The following LITAF variants were observed in gnomAD, a reference collection of about 807,000 sequenced individuals.
The protein encoded by LITAF is lipopolysaccharide induced TNF factor, also known as lipopolysaccharide-induced tumor necrosis factor-alpha factor.
Under a neutral mutation model 14.5 loss-of-function variants are expected in LITAF, and 9 were observed. The observed-to-expected ratio is 0.62, with a 90% CI of 0.37 to 1.08. The LOEUF is 1.08. Ranked by LOEUF, LITAF falls within the 50% of genes least tolerant of loss-of-function variation. The probability of loss-of-function intolerance (pLI) is 0.01; values close to 1 mark genes in which losing one functional copy is unlikely to be tolerated. For missense variants in LITAF, 206 were observed against 213.4 expected, an observed-to-expected ratio of 0.97 and a Z score of 0.22; for synonymous variants, 98 against 88.2, an observed-to-expected ratio of 1.11 and a Z score of -0.62.
rs186610097 is a variant in LITAF at position 11,556,293 on chromosome 16, T to C, written c.220+218A>G. Reference sequence around the variant, plus strand: ...CCAAAAGATTCGTATATGATGACCATGGGAAAGATCCTAAACCATACTTTA... The same window carrying C: ...CCAAAAGATTCGTATATGATGACCACGGGAAAGATCCTAAACCATACTTTA... On this transcript the variant is annotated intron_variant, in intron 2 of 3. Transcript: ENST00000622633. 157 of 571,640 alleles carry C rather than the reference T, an allele frequency of 2.7e-4. No homozygotes were observed. In the East Asian group the frequency reaches 3.0e-3, roughly 11 times the overall value. 35.4% of individuals were successfully genotyped at this position (571,640 alleles called of 1,614,324 possible). A position where few individuals can be genotyped will look rare whatever the true frequency, so the allele number is the denominator to read the frequency against.
Position 11,556,698 on chromosome 16 carries a change from A to C in LITAF, c.33T>G (p.Thr11=). 1.2e-6 allele frequency: 2 copies of C among 1,614,202 alleles called. No homozygotes were observed. The highest frequency in any genetic ancestry group is 2.7e-5 in the African/African-American group (2 of 75,054). ...GTGCGGATGGTGCTGAGGAAGGCCC[A>C]GTGGCCGCCTGGTAAGGTCCTGGAA... The part of the protein sequence containing the change: MSVPGPYQAA[T]GPSSAPSAPP... The change falls in exon 2 of 4, where the codon ACT becomes ACG. Residue 11 remains threonine (T), a synonymous_variant. Transcript: ENST00000622633.
rs113788675 is a variant in LITAF, at chr16:11,552,456, T to A, written c.377+1077A>T. 4.2e-3 allele frequency among the ~76,000 whole-genome samples: 642 copies of A among 152,352 alleles called. 6 individuals are homozygous for A. The highest frequency in any genetic ancestry group is 0.014 in the African/African-American group (596 of 41,582). On this transcript the variant is annotated intron_variant, in intron 3 of 3. Transcript: ENST00000622633. ...GGATAAGAAGTTTTGAAGCAATTCC[T>A]ATGAAGAATTTTAATGTACAGATTC...
chr16:11,614,721 C>G (rs1264596644), intron 3 of LITAF, among the ~76,000 whole-genome samples: 1 of 152,206 alleles, frequency 6.6e-6, no homozygotes, highest in African/African-American at 2.4e-5. Flanking sequence ...TCTTGGCCTT[C>G]CAGAGTGCTG....
chr16:11,626,324 T>C (rs1313033386), intron 3 of LITAF, among the ~76,000 whole-genome samples: 1 of 149,526 alleles, frequency 6.7e-6, no homozygotes, highest in Non-Finnish European at 1.5e-5. Context: ...GACTACAGGC[T>C]CATACCACCA....
chr16:11,635,619 G>A (rs867362386), intron 2 of LITAF, among the ~76,000 whole-genome samples: 25 of 152,192 alleles, frequency 1.6e-4, no homozygotes, highest in African/African-American at 4.8e-4. Context: ...ACCCTGGGCC[G>A]CAGTAGCCTC....
chr16:11,591,881 G>T (rs1310657829), upstream of LITAF, among the ~76,000 whole-genome samples: 1 of 152,152 alleles, frequency 6.6e-6, no homozygotes, highest in Non-Finnish European at 1.5e-5. Context: ...GAGCCACTAT[G>T]CCCAGCTGAG....
chr16:11,615,754 T>C (rs1467700619), intron 3 of LITAF, among the ~76,000 whole-genome samples: 2 of 152,202 alleles, frequency 1.3e-5, no homozygotes. Context: ...TGCTTGGTCT[T>C]TGTTCCCTGT....
chr16:11,610,675 G>A (rs1366814135), intron 3 of LITAF, among the ~76,000 whole-genome samples: 1 of 152,186 alleles, frequency 6.6e-6, no homozygotes, highest in East Asian at 1.9e-4. Context: ...TCATAATCTA[G>A]AAGTGGAAAC....
chr16:11,607,961 T>C (rs891316355), intron 3 of LITAF, among the ~76,000 whole-genome samples: 7 of 152,180 alleles, frequency 4.6e-5, no homozygotes, highest in African/African-American at 7.2e-5. Flanking sequence ...AGAACCCCTG[T>C]CCCAGCTCCC....
intron 3 of LITAF, among the ~76,000 whole-genome samples, chr16:11,631,727 A>G (rs1481403076): frequency 2.0e-5 from 3 of 151,948 alleles, no homozygotes; most frequent in East Asian, 1.9e-4. Flanking sequence ...CTGTGGCTTC[A>G]AGCTCCATGT....
At chr16:11,603,678 C>G (rs991211590) in intron 3 of LITAF, among the ~76,000 whole-genome samples, 1 of 152,188 alleles carries the variant, frequency 6.6e-6, no homozygotes, top group Admixed American at 6.5e-5. Flanking sequence ...GCCACCTCAG[C>G]AGGCATGCAA....
chr16:11,620,618 G>GC (rs2065044531), intron 3 of LITAF, among the ~76,000 whole-genome samples: 2 of 152,302 alleles, frequency 1.3e-5, no homozygotes, highest in South Asian at 4.1e-4. Flanking sequence ...ACAGACGTGA[G>GC]CCACTGTGGC....
At chr16:11,590,200 C>A (rs1284201199), upstream of LITAF, among the ~76,000 whole-genome samples, 1 of 114,506 alleles carries the variant, frequency 8.7e-6, no homozygotes, top group Non-Finnish European at 1.7e-5. Flanking sequence ...CAAACAAGAC[C>A]TATACACTGA....
intron 1 of LITAF, among the ~76,000 whole-genome samples, chr16:11,596,711 GA>G (rs1369747948): frequency 1.0e-5 from 1 of 96,002 alleles, no homozygotes; most frequent in Non-Finnish European, 2.1e-5. Context: ...GGAGAGGGAG[GA>G]GGGGGGAGCG....
At chr16:11,627,671 C>G (rs373351522) in intron 3 of LITAF, among the ~76,000 whole-genome samples, 169 of 152,222 alleles carry the variant, frequency 1.1e-3, no homozygotes, top group African/African-American at 3.9e-3. Context: ...TGGCAAAACC[C>G]CATCTCTACT....
At chr16:11,597,466 G>A (rs905920976) in intron 1 of LITAF, among the ~76,000 whole-genome samples, 1 of 152,072 alleles carries the variant, frequency 6.6e-6, no homozygotes, top group African/African-American at 2.4e-5. Context: ...ACCCTATAAG[G>A]GAAATATTAT....
chr16:11,583,806 C>G (rs1274844007), intron 1 of LITAF, among the ~76,000 whole-genome samples: 6 of 152,160 alleles, frequency 3.9e-5, no homozygotes, highest in Non-Finnish European at 8.8e-5. Flanking sequence ...AGCTTTGGAT[C>G]CTGGTATATA....
chr16:11,588,584 G>A, upstream of LITAF, among the ~76,000 whole-genome samples: 1 of 137,092 alleles, frequency 7.3e-6, no homozygotes. Context: ...GAAAGAGAAG[G>A]AAAGAAGGAA....
chr16:11,623,250 C>A (rs907847687), intron 3 of LITAF, among the ~76,000 whole-genome samples: 10 of 151,818 alleles, frequency 6.6e-5, no homozygotes, highest in African/African-American at 2.4e-4. Flanking sequence ...CATGAGCCAC[C>A]GCGCCCGGCC....
Sources: allele counts gnomAD v4.1 joint callset (sites outside exome capture counted in the v4.1 genomes callset), GRCh38; gene constraint gnomAD v4.1.1; transcripts MANE v1.5; gene names NCBI Gene and HGNC (gene_info 2026-07-23, HGNC 2026-07-21).